Variants in APBB1 observed in about 807,000 individuals in gnomAD.
APBB1 encodes the protein amyloid beta precursor protein binding family B member 1, also known as adaptor protein FE65a2.
APBB1 carries 22 observed loss-of-function variants against 78.4 expected under a neutral mutation model. The observed-to-expected ratio is 0.28, with a 90% CI of 0.20 to 0.40. APBB1 has a LOEUF of 0.40. Among genes scored for constraint, APBB1 ranks in the 10% least tolerant of loss-of-function variants. The probability of loss-of-function intolerance (pLI) is 1.00; values close to 1 mark genes in which losing one functional copy is unlikely to be tolerated. For synonymous variants in APBB1, 369 were observed against 372.7 expected (o/e 0.99, Z 0.12); for missense variants, 749 against 932.4 (o/e 0.80, Z 2.56).
At chr11:6,414,808 T>C (rs1849079854) in intron 1 of APBB1, among the ~76,000 whole-genome samples, 1 of 152,158 alleles carries the variant, frequency 6.6e-6, no homozygotes, top group African/African-American at 2.4e-5. Context: ...GACTCTGCCA[T>C]GCTCAGAGGA....
chr11:6,406,308 T>C (rs1336494618), intron 2 of APBB1, among the ~76,000 whole-genome samples: 1 of 152,196 alleles, frequency 6.6e-6, no homozygotes, highest in African/African-American at 2.4e-5. Flanking sequence ...AAGCCAGGTG[T>C]ACTCACTTGC....
chr11:6,412,909 C>T (rs1000790020), intron 1 of APBB1, among the ~76,000 whole-genome samples: 6 of 152,246 alleles, frequency 3.9e-5, no homozygotes, highest in Non-Finnish European at 7.4e-5. Context: ...GACAGCTCCC[C>T]CTCCAGACCC....
intron 12 of APBB1, 38 bp from the exon 13 acceptor site, chr11:6,396,253 C>G (rs1198336165): frequency 6.6e-7 from 1 of 1,510,254 alleles, no homozygotes; most frequent in Non-Finnish European, 9.0e-7. Flanking sequence ...TGAGGGTAGA[C>G]AGAGGATACC....
At chr11:6,404,025 C>T in intron 2 of APBB1, 4 of 492,288 alleles carry the variant, frequency 8.1e-6, no homozygotes, top group Non-Finnish European at 1.0e-5. Context: ...CTCAGGTCTC[C>T]TCCTGGGCCC....
chr11:6,413,707 G>A (rs941026163), intron 1 of APBB1, among the ~76,000 whole-genome samples: 37 of 152,034 alleles, frequency 2.4e-4, no homozygotes, highest in African/African-American at 8.9e-4. Context: ...CTGACCTCAG[G>A]TGATCCACCC....
chr11:6,408,614 C>T (rs1308994750), intron 2 of APBB1, among the ~76,000 whole-genome samples: 3 of 151,938 alleles, frequency 2.0e-5, no homozygotes, highest in Non-Finnish European at 4.4e-5. Context: ...AAGTGATTCT[C>T]CTGCCTCAAC....
At chr11:6,404,908 C>T in intron 2 of APBB1, 1 of 1,483,860 alleles carries the variant, frequency 6.7e-7, no homozygotes, top group Non-Finnish European at 8.9e-7. Flanking sequence ...CTCATCCCGC[C>T]CCCTTCTCAC....
At chr11:6,419,306 T>G, upstream of APBB1, 1 of 259,058 alleles carries the variant, frequency 3.9e-6, no homozygotes, top group Non-Finnish European at 7.3e-6. Context: ...GACCCCCGCC[T>G]AGCGCGGCGC....
chr11:6,405,025 A>G lies in APBB1; in HGVS notation c.722-1203T>C, dbSNP rs1288127472. On this transcript the variant is annotated intron_variant, in intron 2 of 14. Transcript: ENST00000609360. Reference sequence around the variant, plus strand: ...CTCCTTGGGGGGTGGGGAAGGGAGGAGAAAGGGAGGTTCATGAGACCCCAG... The same window carrying G: ...CTCCTTGGGGGGTGGGGAAGGGAGGGGAAAGGGAGGTTCATGAGACCCCAG... 5 of 1,421,064 alleles carry G rather than the reference A, an allele frequency of 3.5e-6. No homozygotes were observed. In the East Asian group the frequency reaches 1.0e-4, roughly 29 times the overall value. The allele number at this position is 1,421,064 out of a possible 1,614,324, so 88.0% of individuals were successfully genotyped here.
chr11:6,395,975 A>G lies in APBB1; in HGVS notation c.1789-13T>C, dbSNP rs747974347. The G allele has an allele frequency of 6.8e-6, 11 of 1,612,044 alleles. No homozygotes were observed. Among genetic ancestry groups the G allele is most frequent in the Non-Finnish European group, 9.3e-6 (11 of 1,178,716 alleles). On this transcript the variant is annotated splice_polypyrimidine_tract_variant and intron_variant, in intron 13 of 14. Transcript: ENST00000609360. The surrounding 1 kb of genome is among the most constrained non-coding windows in gnomAD (Gnocchi z 5.2). ...GCACTGCCTCTGTCTGCATGGAGGG[A>G]ACTCAGTTAAAAAGGAACACCAACC...
chr11:6,419,221 G>T, upstream of APBB1: 1 of 301,662 alleles, frequency 3.3e-6, no homozygotes, highest in East Asian at 5.5e-5. Context: ...GCCTCACCCT[G>T]CGGGCGGCCC....
intron 1 of APBB1, among the ~76,000 whole-genome samples, chr11:6,418,389 T>C (rs781734173): frequency 1.3e-5 from 2 of 152,162 alleles, no homozygotes; most frequent in Non-Finnish European, 2.9e-5. Context: ...ACAGCAAGCG[T>C]TGACTCTGAA....
At chr11:6,409,524 C>T (rs909761860) in intron 2 of APBB1, among the ~76,000 whole-genome samples, 1 of 152,152 alleles carries the variant, frequency 6.6e-6, no homozygotes, top group African/African-American at 2.4e-5. Flanking sequence ...TCTTTTCTCT[C>T]TATTTTTGTG....
In APBB1 at chr11:6,395,475, C is replaced by A; in HGVS notation, c.*59G>T. The stretch of plus-strand genomic sequence containing the variant: ...ATAGCCTCTAGACCCCTCCCTGACC[C>A]ACACCCTTTAGTTCCCTGGGGCCCA... On this transcript the variant is annotated 3_prime_UTR_variant, in exon 15 of 15. Transcript: ENST00000609360. This position sits in a 1 kb window ranked among gnomAD's most constrained non-coding sequence, Gnocchi z 5.2. 1.4e-6 allele frequency: 2 copies of A among 1,477,860 alleles called. No homozygotes were observed. Among genetic ancestry groups the A allele is most frequent in the East Asian group, 2.3e-5 (1 of 42,744 alleles). The allele number at this position is 1,477,860 out of a possible 1,614,324, so 91.5% of individuals were successfully genotyped here.
At chr11:6,412,168 T>C (rs1236546333) in intron 1 of APBB1, among the ~76,000 whole-genome samples, 2 of 152,190 alleles carry the variant, frequency 1.3e-5, no homozygotes, top group Non-Finnish European at 1.5e-5. Context: ...TTGTTTGTTT[T>C]TGAGACAGAA....
chr11:6,402,862 G>C, intron 6 of APBB1, 137 bp from the exon 7 acceptor site: 2 of 1,146,096 alleles, frequency 1.7e-6, no homozygotes, highest in Non-Finnish European at 2.5e-6. Context: ...TGGTTAGGGA[G>C]AGGGGGATGT....
chr11:6,401,470 T>C lies in APBB1; in HGVS notation c.1504-41A>G, dbSNP rs764572230. The C allele has an allele frequency of 3.7e-6, 6 of 1,612,614 alleles. No homozygotes were observed. In the East Asian group the frequency reaches 1.1e-4, roughly 30 times the overall value. ...AGGCGAGGAGCCAGGGAGAATCTAT[T>C]AGAGCCTCATTGCCCTGGGGCCCCC... On this transcript the variant is annotated intron_variant, in intron 10 of 14. Coordinates refer to ENST00000609360, the MANE Select transcript of APBB1 (RefSeq NM_001164.5). The surrounding 1 kb of genome is among the most constrained non-coding windows in gnomAD (Gnocchi z 4.5).
rs941674719 is a variant in APBB1, at chr11:6,404,923, G to A, written c.722-1101C>T. The A allele has an allele frequency of 7.6e-6, 11 of 1,455,524 alleles. No individual in the cohort carries two copies. In the Admixed American group the frequency reaches 1.6e-4, roughly 21 times the overall value. The allele number at this position is 1,455,524 out of a possible 1,614,324, so 90.2% of individuals were successfully genotyped here. A position where few individuals can be genotyped will look rare whatever the true frequency, so the allele number is the denominator to read the frequency against. On this transcript the variant is annotated intron_variant, in intron 2 of 14. Transcript: ENST00000609360. ...CTCATCCCGCCCCCTTCTCACCAGGGCAGAGCGTCTGCCAGGCAAGATCCT... is the reference window on the plus strand; with the variant it reads ...CTCATCCCGCCCCCTTCTCACCAGGACAGAGCGTCTGCCAGGCAAGATCCT...
intron 12 of APBB1, 54 bp downstream of exon 12, chr11:6,400,935 G>T: frequency 2.0e-6 from 3 of 1,529,466 alleles, no homozygotes; most frequent in Non-Finnish European, 2.7e-6. Context: ...AGAGGGTAGG[G>T]GCAGAGTTTT....
Sources: gnomAD v4.1 joint callset for allele counts (sites outside exome capture counted in the v4.1 genomes callset) on GRCh38, gnomAD v4.1.1 for gene constraint, Gnocchi (gnomAD v3.1) non-coding constraint, MANE v1.5 for transcripts, NCBI Gene and HGNC (gene_info 2026-07-23, HGNC 2026-07-21) for gene names.